Variants in IPO5 observed in about 807,000 individuals in gnomAD.
IPO5 encodes importin-5.
A neutral mutation model predicts 143.3 loss-of-function variants in IPO5; 18 were observed. The observed-to-expected ratio is 0.13, with a 90% CI of 0.09 to 0.19. IPO5 has a LOEUF of 0.19. Ranked by LOEUF, IPO5 falls within the 10% of genes least tolerant of loss-of-function variation. IPO5 has a pLI of 1.00. For missense variants in IPO5, 1,013 were observed against 1,336.9 expected (o/e 0.76, Z 3.78); for synonymous variants, 477 against 465.7 (o/e 1.02, Z -0.31).
chr13:97,973,358 A>G (rs1481720110), intron 3 of IPO5, among the ~76,000 whole-genome samples: 1 of 152,148 alleles, frequency 6.6e-6, no homozygotes, highest in Non-Finnish European at 1.5e-5. Flanking sequence ...TTATTTTCTT[A>G]TAAGAAAATG....
rs761336046 is a variant in IPO5 at position 98,021,795 on chromosome 13, C to T, written c.3267C>T (p.Ala1089=). 1.1e-4 allele frequency: 180 copies of T among 1,605,940 alleles called. No individual in the cohort carries two copies. The highest frequency in any genetic ancestry group is 1.3e-4 in the Non-Finnish European group (153 of 1,173,836). The change falls in exon 29 of 29, where the codon GCC becomes GCT. Residue 1089 remains alanine (A), a synonymous_variant. Transcript: ENST00000651721. ...IAQLSPEQQA[A]IQELLNSA is the part of the protein sequence containing the mutation. ...AGCTCAGTCCTGAGCAGCAGGCCGCCATTCAGGAGCTCCTGAACTCTGCGT... is the reference window on the plus strand; with the variant it reads ...AGCTCAGTCCTGAGCAGCAGGCCGCTATTCAGGAGCTCCTGAACTCTGCGT...
At chr13:97,993,765 G>C (rs1405072103) in intron 11 of IPO5, among the ~76,000 whole-genome samples, 2 of 152,166 alleles carry the variant, frequency 1.3e-5, no homozygotes, top group African/African-American at 4.8e-5. Context: ...GAACTAACCT[G>C]ATCATTTTCT....
In IPO5 at chr13:98,006,324, T is replaced by TG; in HGVS notation, c.1694dup (p.Leu566SerfsTer28). The TG allele has an allele frequency of 6.3e-7, 1 of 1,580,438 alleles. No individual in the cohort carries two copies. The highest frequency in any genetic ancestry group is 8.6e-7 in the Non-Finnish European group (1 of 1,158,148). On this transcript the variant is annotated frameshift_variant, in exon 17 of 29. Coordinates refer to ENST00000651721, the MANE Select transcript of IPO5 (RefSeq NM_002271.6). LOFTEE classifies it high-confidence loss of function. ...AAACTATTGAATGCATTAGCCTCATTGGTCTGGCTGTTGGGAAGGAAAAAG... is the reference window on the plus strand; with the variant it reads ...AAACTATTGAATGCATTAGCCTCATTGGGTCTGGCTGTTGGGAAGGAAAAAG...
At position 98,009,942 on chromosome 13, in the gene IPO5, A is replaced by G. The variant is rs1229310113; in HGVS notation, c.1862A>G (p.Gln621Arg). The change falls in exon 19 of 29, where the codon CAA (glutamine) becomes CGA (arginine). Residue 621 changes from glutamine to arginine, a missense_variant. Physicochemically the swap from Gln to Arg is conservative, Grantham distance 43 (BLOSUM62 1). This residue lies in a region of IPO5 where 685 missense variants were observed against 994.9 expected (regional missense o/e 0.69). Coordinates refer to ENST00000651721, the MANE Select transcript of IPO5 (RefSeq NM_002271.6). ...AAAATCCTTGGAAAAGAATTTCAGC[A>G]ATACCTTCCAGTGGTTATGGGGCCT... Reference protein sequence around the residue: ...MCKILGKEFQQYLPVVMGPLM... With the variant: ...MCKILGKEFQRYLPVVMGPLM... 4 of 1,614,060 alleles carry G rather than the reference A, an allele frequency of 2.5e-6. No individual in the cohort carries two copies. The highest frequency in any genetic ancestry group is 1.7e-6 in the Non-Finnish European group (2 of 1,179,928).
intron 16 of IPO5, among the ~76,000 whole-genome samples, chr13:98,005,194 G>C (rs564123312): frequency 6.7e-6 from 1 of 149,932 alleles, no homozygotes; most frequent in South Asian, 2.1e-4. Context: ...ACCGTGCCTG[G>C]CTTCTTTTTT....
In IPO5 at chr13:97,997,572, G is replaced by A. The variant is rs749744503; in HGVS notation, c.955G>A (p.Glu319Lys). The A allele has an allele frequency of 2.0e-5, 33 of 1,611,180 alleles. No homozygotes were observed. The highest frequency in any genetic ancestry group is 2.8e-5 in the Non-Finnish European group (33 of 1,177,808). The change falls in exon 12 of 29, where the codon GAG becomes AAG. Residue 319 changes from glutamate (E) to lysine (K), a missense_variant. Physicochemically the swap from Glu to Lys is moderately conservative, Grantham distance 56. Around this residue, in one of 2 missense-constraint regions of IPO5, gnomAD observed 685 missense variants for 994.9 expected, o/e 0.69. Coordinates refer to ENST00000651721, the MANE Select transcript of IPO5 (RefSeq NM_002271.6). The stretch of plus-strand genomic sequence containing the variant: ...AATGATGGTTGATTTGGAAGAAGAT[G>A]AGGACTGGGCAAATGCAGATGAACT... ...LAMMVDLEED[E>K]DWANADELED...
chr13:97,975,416 G>C (rs1223129770), intron 3 of IPO5, among the ~76,000 whole-genome samples: 1 of 152,100 alleles, frequency 6.6e-6, no homozygotes, highest in Non-Finnish European at 1.5e-5. Context: ...GTTTGAACCC[G>C]GGAGGCAGAG....
intron 2 of IPO5, chr13:97,963,274 A>G (rs1885036625): frequency 1.3e-5 from 2 of 152,194 alleles, no homozygotes; most frequent in African/African-American, 4.8e-5. Flanking sequence ...AATCAGTCTG[A>G]CAACACATGT....
At chr13:97,982,310 G>A (rs1566485966) in intron 4 of IPO5, among the ~76,000 whole-genome samples, 193 bp from the exon 5 acceptor site, 1 of 152,310 alleles carries the variant, frequency 6.6e-6, no homozygotes, top group East Asian at 1.9e-4. Context: ...ATGTAGAAAG[G>A]AACTTGATAA....
chr13:97,967,786 C>T (rs1345217724), intron 2 of IPO5, among the ~76,000 whole-genome samples: 1 of 152,076 alleles, frequency 6.6e-6, no homozygotes, highest in Non-Finnish European at 1.5e-5. Context: ...TGCCCACCAC[C>T]ACGCCCGGCT....
chr13:98,024,094 T>C lies in IPO5; in HGVS notation c.*2272T>C, dbSNP rs1890639876. On this transcript the variant is annotated 3_prime_UTR_variant, in exon 29 of 29. Coordinates refer to ENST00000651721, the MANE Select transcript of IPO5 (RefSeq NM_002271.6). ...TGGCTCTTACGTTTTCTGGGAATTT[T>C]GTAACAAGTTACACGCACAAGTGTT... The C allele has an allele frequency of 6.6e-6, 1 of 152,238 alleles. No individual in the cohort carries two copies. The highest frequency in any genetic ancestry group is 2.4e-5 in the African/African-American group (1 of 41,468). 9.4% of individuals were successfully genotyped at this position (152,238 alleles called of 1,614,324 possible).
At chr13:97,994,371 A>T (rs922460478) in intron 11 of IPO5, among the ~76,000 whole-genome samples, 2 of 152,250 alleles carry the variant, frequency 1.3e-5, no homozygotes, top group Admixed American at 6.5e-5. Flanking sequence ...TTGTCTACAA[A>T]AAGTTTTAAA....
intron 2 of IPO5, among the ~76,000 whole-genome samples, chr13:97,959,484 C>T: frequency 6.6e-6 from 1 of 152,148 alleles, no homozygotes. Context: ...AATCCCAGCA[C>T]TTTGGGAGGC....
chr13:98,006,105 G>A (rs753614248), intron 16 of IPO5, 25 bp from the exon 17 acceptor site: 2 of 1,490,458 alleles, frequency 1.3e-6, no homozygotes, highest in South Asian at 1.1e-5. Flanking sequence ...TTCCTTTGAG[G>A]TAATAATTTG....
chr13:98,008,323 G>GGTT (rs1283196875), intron 18 of IPO5, among the ~76,000 whole-genome samples, 181 bp downstream of exon 18: 2 of 152,102 alleles, frequency 1.3e-5, no homozygotes, highest in Non-Finnish European at 2.9e-5. Flanking sequence ...GTCTGTTGTA[G>GGTT]GTTGCTCTTG....
At chr13:98,006,575 T>C (rs1889273122) in intron 17 of IPO5, among the ~76,000 whole-genome samples, 1 of 151,444 alleles carries the variant, frequency 6.6e-6, no homozygotes, top group Non-Finnish European at 1.5e-5. Context: ...AAGGTTTCAC[T>C]GTGTTAGCCA....
At position 98,016,837 on chromosome 13, in the gene IPO5, A is replaced by G; in HGVS notation, c.2602A>G (p.Ile868Val). The G allele has an allele frequency of 1.3e-6, 2 of 1,564,408 alleles. No homozygotes were observed. The highest frequency in any genetic ancestry group is 8.6e-7 in the Non-Finnish European group (1 of 1,161,578). The change falls in exon 25 of 29, where the codon ATT (isoleucine) becomes GTT (valine). Residue 868 changes from isoleucine (I) to valine (V), a missense_variant. This residue lies in a region of IPO5 where 685 missense variants were observed against 994.9 expected (regional missense o/e 0.69). Coordinates refer to ENST00000651721, the MANE Select transcript of IPO5 (RefSeq NM_002271.6). ...ATGGTTTGAACAGCTGCTTCCATTA[A>G]TTGTCAACCTCATTGTAAGTGTTAC... ...LPWFEQLLPL[I>V]VNLICPHRPW... is the part of the protein sequence containing the mutation.
chr13:97,967,695 G>A (rs1385479095), intron 2 of IPO5, among the ~76,000 whole-genome samples: 6 of 151,926 alleles, frequency 3.9e-5, no homozygotes, highest in East Asian at 1.9e-4. Flanking sequence ...GCAGTGGCTC[G>A]ATCTCAGCTC....
intron 3 of IPO5, among the ~76,000 whole-genome samples, chr13:97,974,338 G>T (rs1185854703): frequency 2.7e-5 from 4 of 145,680 alleles, no homozygotes; most frequent in African/African-American, 7.6e-5. Flanking sequence ...ACGGAGTCTT[G>T]CTCTATCACC....
Sources: allele counts gnomAD v4.1 joint callset (sites outside exome capture counted in the v4.1 genomes callset), GRCh38; gene constraint gnomAD v4.1.1; regional missense constraint gnomAD v4.1.1; transcripts MANE v1.5; gene names NCBI Gene and HGNC (gene_info 2026-07-23, HGNC 2026-07-21).